Variants in RGS7 observed in about 807,000 individuals in gnomAD.
The protein encoded by RGS7 is regulator of G protein signaling 7.
Under a neutral mutation model 81.1 loss-of-function variants are expected in RGS7, and 27 were observed. The ratio of observed to expected loss-of-function variants is 0.33; its 90% CI spans 0.25 to 0.46. RGS7 has a LOEUF of 0.46. Among genes scored for constraint, RGS7 ranks in the 20% least tolerant of loss-of-function variants. The pLI, the probability that RGS7 is intolerant of heterozygous loss-of-function variation, is 1.00. For missense variants in RGS7, 396 were observed against 607.4 expected, an observed-to-expected ratio of 0.65 and a Z score of 3.66; for synonymous variants, 208 against 207.7, an observed-to-expected ratio of 1.00 and a Z score of -0.01.
chr1:241,211,258 C>T (rs1019582518), intron 2 of RGS7, among the ~76,000 whole-genome samples: 7 of 152,140 alleles, frequency 4.6e-5, no homozygotes, highest in Admixed American at 1.3e-4. Flanking sequence ...GCACTCCAGA[C>T]CCTGTGTGTT....
At chr1:241,004,556 T>C (rs536045902) in intron 3 of RGS7, among the ~76,000 whole-genome samples, 1 of 152,276 alleles carries the variant, frequency 6.6e-6, no homozygotes, top group South Asian at 2.1e-4. Flanking sequence ...ACTTAATGTG[T>C]ATATGGAAGC....
chr1:241,269,889 C>A (rs1402658903), intron 2 of RGS7, among the ~76,000 whole-genome samples: 1 of 152,152 alleles, frequency 6.6e-6, no homozygotes, highest in East Asian at 1.9e-4. Context: ...TAGGACTGTG[C>A]ACTCAAAATT....
chr1:241,069,909 T>G (rs933919715), intron 3 of RGS7, among the ~76,000 whole-genome samples: 2 of 152,230 alleles, frequency 1.3e-5, no homozygotes, highest in African/African-American at 4.8e-5. Context: ...ATTTGATCAT[T>G]TAATACTTGC....
At chr1:240,853,599 A>G (rs1490877030) in intron 9 of RGS7, among the ~76,000 whole-genome samples, 1 of 152,096 alleles carries the variant, frequency 6.6e-6, no homozygotes, top group Non-Finnish European at 1.5e-5. Flanking sequence ...CATTACATGT[A>G]CTACCAGATT....
intron 2 of RGS7, among the ~76,000 whole-genome samples, chr1:241,248,566 A>C (rs1440964965): frequency 1.3e-5 from 2 of 151,602 alleles, no homozygotes; most frequent in Non-Finnish European, 2.9e-5. Flanking sequence ...TTTGTCCCTT[A>C]TCTCTTCCTC....
chr1:240,922,173 C>CA (rs200952329), intron 6 of RGS7, among the ~76,000 whole-genome samples: 1,609 of 150,872 alleles, frequency 0.011, 45 homozygotes, highest in Admixed American at 0.063. Flanking sequence ...CCTCTACATG[C>CA]AAAAAAAATA....
At chr1:240,907,396 T>C (rs997063611) in intron 6 of RGS7, among the ~76,000 whole-genome samples, 5 of 151,784 alleles carry the variant, frequency 3.3e-5, no homozygotes, top group African/African-American at 1.2e-4. Flanking sequence ...ATAGTATTAG[T>C]ATAGTAAATA....
chr1:241,056,716 T>C (rs1347852514), intron 3 of RGS7, among the ~76,000 whole-genome samples: 3 of 152,218 alleles, frequency 2.0e-5, no homozygotes, highest in Admixed American at 1.3e-4. Context: ...CAAGAGACCA[T>C]TCATTTCAGC....
intron 2 of RGS7, among the ~76,000 whole-genome samples, chr1:241,309,583 C>G (rs2080385952): frequency 2.0e-5 from 3 of 151,996 alleles, no homozygotes; most frequent in Admixed American, 2.0e-4. Context: ...ATTTGCCACT[C>G]GACAGGAAAG....
intron 2 of RGS7, among the ~76,000 whole-genome samples, chr1:241,146,508 A>G (rs559576983): frequency 6.6e-6 from 1 of 152,310 alleles, no homozygotes; most frequent in South Asian, 2.1e-4. Context: ...TTGTTCCCCT[A>G]TCCTTGCTCA....
At chr1:241,295,903 G>T (rs1573550176) in intron 2 of RGS7, among the ~76,000 whole-genome samples, 1 of 152,216 alleles carries the variant, frequency 6.6e-6, no homozygotes, top group African/African-American at 2.4e-5. Context: ...AACCGCCTGG[G>T]AGAAGACAGG....
intron 2 of RGS7, among the ~76,000 whole-genome samples, chr1:241,162,290 C>T (rs1166258906): frequency 3.4e-5 from 5 of 148,546 alleles, no homozygotes; most frequent in South Asian, 2.1e-4. Context: ...AAAATGGCGG[C>T]GTTTAACTGG....
intron 6 of RGS7, among the ~76,000 whole-genome samples, chr1:240,915,558 G>A (rs1672467995): frequency 6.6e-6 from 1 of 152,208 alleles, no homozygotes; most frequent in Non-Finnish European, 1.5e-5. Context: ...CAGAGGAGAT[G>A]TTAGCCTCTA....
At chr1:241,235,586 TTTC>T (rs1329860030) in intron 2 of RGS7, among the ~76,000 whole-genome samples, 1 of 152,046 alleles carries the variant, frequency 6.6e-6, no homozygotes, top group Non-Finnish European at 1.5e-5. Flanking sequence ...TTTCTTTCTC[TTTC>T]TTTCTTCCTT....
intron 2 of RGS7, among the ~76,000 whole-genome samples, chr1:241,238,957 C>CCTCT (rs777529991): frequency 0.016 from 2,048 of 125,362 alleles, 121 homozygotes; most frequent in African/African-American, 0.043. Context: ...ATAGCTATTG[C>CCTCT]CTCTCTCTCT....
intron 4 of RGS7, among the ~76,000 whole-genome samples, chr1:240,973,793 C>T (rs1419441648): frequency 4.0e-5 from 6 of 151,872 alleles, no homozygotes; most frequent in Admixed American, 6.6e-5. Context: ...GGGGTTTCAC[C>T]GTGGTCTCGA....
At chr1:240,920,449 A>G (rs1331178211) in intron 6 of RGS7, 4 of 1,113,416 alleles carry the variant, frequency 3.6e-6, no homozygotes, top group Non-Finnish European at 5.4e-6. Context: ...GGCAATTACA[A>G]CAATCAATCT....
rs188105582 is a variant in RGS7 at position 241,278,717 on chromosome 1, G to T, written c.78+76982C>A. On this transcript the variant is annotated intron_variant, in intron 2 of 18. Transcript: ENST00000440928. The stretch of plus-strand genomic sequence containing the variant: ...GTTGTTTTGCCCCTCCTGTTGCGCC[G>T]CTAGCATTGAAGATCTACGTTCTGT... Among the ~76,000 whole-genome samples the T allele has an allele frequency of 2.5e-3, 387 of 152,180 alleles. 4 individuals are homozygous for T. The highest frequency in any genetic ancestry group is 8.9e-3 in the African/African-American group (371 of 41,524).
chr1:240,983,618 C>T (rs1685242372), intron 3 of RGS7, among the ~76,000 whole-genome samples: 1 of 152,186 alleles, frequency 6.6e-6, no homozygotes. Context: ...CTCTCCCTGA[C>T]CGAAATGTCT....
Sources: gnomAD v4.1 joint callset for allele counts (sites outside exome capture counted in the v4.1 genomes callset) on GRCh38, gnomAD v4.1.1 for gene constraint, MANE v1.5 for transcripts, NCBI Gene and HGNC (gene_info 2026-07-23, HGNC 2026-07-21) for gene names.